BCAT2: variants seen among roughly 807,000 people sequenced by gnomAD.
BCAT2 encodes branched chain amino acid transaminase 2.
In BCAT2, 44 loss-of-function variants were observed where a neutral mutation model predicts 52.9. The observed-to-expected ratio is 0.83, with a 90% CI of 0.65 to 1.07. BCAT2 has a LOEUF of 1.07. Among genes scored for constraint, BCAT2 ranks in the 50% least tolerant of loss-of-function variants. The pLI, the probability that BCAT2 is intolerant of heterozygous loss-of-function variation, is 0.00. For missense variants in BCAT2, 478 were observed against 521.8 expected (o/e 0.92, Z 0.82); for synonymous variants, 215 against 217.1 (o/e 0.99, Z 0.08).
rs201838889 is a variant in BCAT2, at chr19:48,809,765, A to AT, written c.24+1218dup. 7.6e-3 allele frequency among the ~76,000 whole-genome samples: 1,116 copies of AT among 147,210 alleles called. 8 individuals are homozygous for AT. The highest frequency in any genetic ancestry group is 0.024 in the African/African-American group (941 of 39,000). On this transcript the variant is annotated intron_variant, in intron 1 of 10. Coordinates refer to ENST00000316273, the MANE Select transcript of BCAT2 (RefSeq NM_001190.4). Reference sequence around the variant, plus strand: ...TTATTTCCTATTCACCAGGTCTGAAATTAAAAAAAAAAAAAAAATCCCATT... The same window carrying AT: ...TTATTTCCTATTCACCAGGTCTGAAATTTAAAAAAAAAAAAAAAATCCCATT...
rs2034470523 is a variant in BCAT2 at position 48,795,195 on chromosome 19, C to T, written c.*231G>A. ...CCAAGGTGTATCCTTGACCGCACGA[C>T]AAGGAGTAATGGGCGGACCTGAACC... On this transcript the variant is annotated 3_prime_UTR_variant, in exon 11 of 11. Coordinates refer to ENST00000316273, the MANE Select transcript of BCAT2 (RefSeq NM_001190.4). 1.7e-6 allele frequency: 1 copy of T among 601,252 alleles called. No homozygotes were observed. Among genetic ancestry groups the T allele is most frequent in the Non-Finnish European group, 3.0e-6 (1 of 335,674 alleles). 37.2% of individuals were successfully genotyped at this position (601,252 alleles called of 1,614,324 possible).
At chr19:48,806,428 C>G in intron 3 of BCAT2, 89 bp downstream of exon 3, 1 of 1,516,166 alleles carries the variant, frequency 6.6e-7, no homozygotes, top group Non-Finnish European at 9.1e-7. Flanking sequence ...ACACAACAAA[C>G]AAACCAAGAG....
At chr19:48,796,394 C>T (rs1394642194) in intron 10 of BCAT2, 34 bp downstream of exon 10, 94 of 1,613,440 alleles carry the variant, frequency 5.8e-5, no homozygotes, top group Non-Finnish European at 7.4e-5. Context: ...AGGGAACAAG[C>T]TCCCAGCCCA....
In BCAT2 at chr19:48,806,708, GGTCTGCAGCCTGAGGA is replaced by G; in HGVS notation, c.100-7_108del. ...GGCTTCTGTGTCATTTCCAGCTGCA[GGTCTGCAGCCTGAGGA>G]AAGACAGGGGTATCCTAGAATCTGG... On this transcript the variant is annotated splice_acceptor_variant and splice_polypyrimidine_tract_variant and coding_sequence_variant and intron_variant, in exon 3 of 11. Coordinates refer to ENST00000316273, the MANE Select transcript of BCAT2 (RefSeq NM_001190.4). LOFTEE classifies it high-confidence loss of function. 1 of 1,613,210 alleles carries G rather than the reference GGTCTGCAGCCTGAGGA, an allele frequency of 6.2e-7. No homozygotes were observed. Among genetic ancestry groups the G allele is most frequent in the South Asian group, 1.1e-5 (1 of 91,080 alleles).
Position 48,795,339 on chromosome 19 carries a change from G to T in BCAT2, c.*87C>A. The T allele has an allele frequency of 6.4e-7, 1 of 1,560,044 alleles. No homozygotes were observed. Among genetic ancestry groups the T allele is most frequent in the African/African-American group, 1.4e-5 (1 of 73,768 alleles). ...GCCCGCTGGCCTTTTATTTCGTATTGCACTTCAGGTGAGTCATTGGTAGGG... is the reference window on the plus strand; with the variant it reads ...GCCCGCTGGCCTTTTATTTCGTATTTCACTTCAGGTGAGTCATTGGTAGGG... On this transcript the variant is annotated 3_prime_UTR_variant, in exon 11 of 11. Coordinates refer to ENST00000316273, the MANE Select transcript of BCAT2 (RefSeq NM_001190.4).
rs11548193 is a variant in BCAT2 at position 48,799,813 on chromosome 19, G to C, written c.557C>G (p.Thr186Arg). The C allele has an allele frequency of 0.19, 298,653 of 1,558,204 alleles. 32,136 individuals carry two copies. Among genetic ancestry groups the C allele is most frequent in the Non-Finnish European group, 0.22 (255,927 of 1,150,872 alleles). ...NEPSLGVSQP[T>R]RALLFVILCP... ...GAGAATGACGAACAGGAGCGCGCGC[G>C]TGGGCTGGCTGACACCCAGCGAGGG... The change falls in exon 6 of 11, where the codon ACG (threonine) becomes AGG (arginine). Residue 186 changes from threonine to arginine, a missense_variant. By Grantham distance (71) the Thr-to-Arg change is moderately conservative. Coordinates refer to ENST00000316273, the MANE Select transcript of BCAT2 (RefSeq NM_001190.4). This position sits in a 1 kb window ranked among gnomAD's most constrained non-coding sequence, Gnocchi z 5.5.
intron 3 of BCAT2, 81 bp from the exon 4 acceptor site, chr19:48,800,378 C>CAACAG (rs2034633422): frequency 8.0e-7 from 1 of 1,248,066 alleles, no homozygotes; most frequent in African/African-American, 1.5e-5. Context: ...GAGACAGATA[C>CAACAG]ACAAAGACAC....
chr19:48,808,135 T>C (rs2034834963), intron 1 of BCAT2: 1 of 986,866 alleles, frequency 1.0e-6, no homozygotes, highest in African/African-American at 1.7e-5. Context: ...AGCGTGGTCT[T>C]GCTGGTGTGA....
At chr19:48,795,742 C>A (rs2034495463) in intron 10 of BCAT2, 1 of 535,246 alleles carries the variant, frequency 1.9e-6, no homozygotes, top group Non-Finnish European at 3.4e-6. Context: ...CCCAGATAGT[C>A]AGAGGATGTG....
intron 7 of BCAT2, 30 bp downstream of exon 7, chr19:48,797,161 G>A: frequency 3.7e-6 from 6 of 1,612,596 alleles, no homozygotes; most frequent in Non-Finnish European, 5.1e-6. Context: ...ACTTCCACCA[G>A]GGTTCGGGCT....
chr19:48,800,087 A>T lies in BCAT2; in HGVS notation c.425T>A (p.Leu142Gln). 6.2e-7 allele frequency: 1 copy of T among 1,613,964 alleles called. No homozygotes were observed. The highest frequency in any genetic ancestry group is 1.1e-5 in the South Asian group (1 of 91,062). ...MRLCLPSFDKLELLECIRRLI... is the reference protein window; with the variant it reads ...MRLCLPSFDKQELLECIRRLI... ...CCGGCGGATGCACTCCAGCAACTCCAGCTTGTCGAAACTCTGGGTGGGATT... is the reference window on the plus strand; with the variant it reads ...CCGGCGGATGCACTCCAGCAACTCCTGCTTGTCGAAACTCTGGGTGGGATT... The change falls in exon 5 of 11, where the codon CTG (leucine) becomes CAG (glutamine). Residue 142 changes from leucine (L) to glutamine (Q), a missense_variant. Coordinates refer to ENST00000316273, the MANE Select transcript of BCAT2 (RefSeq NM_001190.4).
chr19:48,803,913 C>T (rs1039922752), intron 3 of BCAT2, among the ~76,000 whole-genome samples: 1 of 151,882 alleles, frequency 6.6e-6, no homozygotes, highest in Non-Finnish European at 1.5e-5. Context: ...TAATCCCAGC[C>T]CTTTGGGAGG....
At chr19:48,810,699 A>T (rs993090064) in intron 1 of BCAT2, 1 of 321,422 alleles carries the variant, frequency 3.1e-6, no homozygotes, top group Non-Finnish European at 4.2e-6. Flanking sequence ...CCCCACCCCC[A>T]CGCCTCCCTC....
intron 1 of BCAT2, among the ~76,000 whole-genome samples, chr19:48,810,491 G>A (rs540209423): frequency 6.6e-6 from 1 of 152,266 alleles, no homozygotes; most frequent in East Asian, 1.9e-4. Context: ...GGGAAGCACA[G>A]CAATCCCCAT....
rs183473169 is a variant in BCAT2 at position 48,795,266 on chromosome 19, G to A, written c.*160C>T. ...CAAGATGCCTGGGTCGGCCCTTACG[G>A]CTTTGGGAGTGTCGCAACCACATGG... On this transcript the variant is annotated 3_prime_UTR_variant, in exon 11 of 11. Coordinates refer to ENST00000316273, the MANE Select transcript of BCAT2 (RefSeq NM_001190.4). 484 of 930,020 alleles carry A rather than the reference G, an allele frequency of 5.2e-4. 3 individuals carry two copies. The highest frequency in any genetic ancestry group is 3.7e-3 in the African/African-American group (229 of 61,306). The allele number at this position is 930,020 out of a possible 1,614,324, so 57.6% of individuals were successfully genotyped here. A position where few individuals can be genotyped will look rare whatever the true frequency, so the allele number is the denominator to read the frequency against.
chr19:48,803,438 G>A (rs2034698853), intron 3 of BCAT2, among the ~76,000 whole-genome samples: 1 of 152,112 alleles, frequency 6.6e-6, no homozygotes, highest in African/African-American at 2.4e-5. Context: ...TGACGCAGGT[G>A]GATCGCTGGA....
At position 48,799,806 on chromosome 19, in the gene BCAT2, C is replaced by T. The variant is rs747326261; in HGVS notation, c.564G>A (p.Ala188=). 16 of 1,559,152 alleles carry T rather than the reference C, an allele frequency of 1.0e-5. No individual in the cohort carries two copies. Among genetic ancestry groups the T allele is most frequent in the South Asian group, 8.3e-5 (7 of 84,796 alleles). ...CTGGGCAGAGAATGACGAACAGGAG[C>T]GCGCGCGTGGGCTGGCTGACACCCA... is the stretch of plus-strand genomic sequence containing the variant. The part of the protein sequence containing the change: ...PSLGVSQPTR[A]LLFVILCPVG... The change falls in exon 6 of 11, where the codon GCG becomes GCA. Residue 188 remains alanine, a synonymous_variant. Coordinates refer to ENST00000316273, the MANE Select transcript of BCAT2 (RefSeq NM_001190.4). This position sits in a 1 kb window ranked among gnomAD's most constrained non-coding sequence, Gnocchi z 5.5.
rs759410750 is a variant in BCAT2 at position 48,807,097 on chromosome 19, G to C, written c.25-23C>G. 1.2e-6 allele frequency: 2 copies of C among 1,603,422 alleles called. No homozygotes were observed. Among genetic ancestry groups the C allele is most frequent in the South Asian group, 2.2e-5 (2 of 90,320 alleles). On this transcript the variant is annotated intron_variant, in intron 1 of 10. Coordinates refer to ENST00000316273, the MANE Select transcript of BCAT2 (RefSeq NM_001190.4). This position sits in a 1 kb window ranked among gnomAD's most constrained non-coding sequence, Gnocchi z 4.6. ...GATCTGGGTGGAGAAAGAAGTGAGA[G>C]AGGGGGTGAGTGGGGCACAGCAGGG...
Position 48,806,667 on chromosome 19 carries a change from G to C in BCAT2, c.150C>G (p.Gly50=), listed in dbSNP as rs1231185564. ...TCCCAAACACCAGGGGCTCGCCGGG[G>C]CCAGGCTTCTTATGAGGCTTCTGTG... ...EMTQKPHKKP[G]PGEPLVFGKT... Residue 50 remains glycine, a synonymous_variant, in exon 3 of 11, where the codon GGC becomes GGG. Coordinates refer to ENST00000316273, the MANE Select transcript of BCAT2 (RefSeq NM_001190.4). The C allele has an allele frequency of 1.2e-6, 2 of 1,614,048 alleles. No homozygotes were observed. Among genetic ancestry groups the C allele is most frequent in the East Asian group, 4.5e-5 (2 of 44,872 alleles).
Sources: allele counts gnomAD v4.1 joint callset (sites outside exome capture counted in the v4.1 genomes callset), GRCh38; gene constraint gnomAD v4.1.1; non-coding constraint Gnocchi (gnomAD v3.1); transcripts MANE v1.5; gene names NCBI Gene and HGNC (gene_info 2026-07-23, HGNC 2026-07-21).